Variants in BRINP2 observed in about 807,000 individuals in gnomAD.
The protein encoded by BRINP2 is BMP/retinoic acid inducible neural specific 2, also known as BMP/retinoic acid-inducible neural-specific protein 2.
Under a neutral mutation model 69.2 loss-of-function variants are expected in BRINP2, and 21 were observed. The ratio of observed to expected loss-of-function variants is 0.30; its 90% CI spans 0.22 to 0.44. The LOEUF is 0.44. Among genes scored for constraint, BRINP2 ranks in the 20% least tolerant of loss-of-function variants. The pLI is 1.00. For missense variants in BRINP2, 877 were observed against 986.0 expected, an observed-to-expected ratio of 0.89 and a Z score of 1.48; for synonymous variants, 380 against 394.1, an observed-to-expected ratio of 0.96 and a Z score of 0.42.
At chr1:177,239,419 G>A (rs989620992) in intron 2 of BRINP2, among the ~76,000 whole-genome samples, 2 of 152,222 alleles carry the variant, frequency 1.3e-5, no homozygotes, top group Admixed American at 6.5e-5. Context: ...CTCTCCTGGA[G>A]GAACACTTAC....
At chr1:177,260,313 T>A (rs750468483) in intron 4 of BRINP2, among the ~76,000 whole-genome samples, 1 of 152,202 alleles carries the variant, frequency 6.6e-6, no homozygotes, top group Non-Finnish European at 1.5e-5. Flanking sequence ...ACGAGTTGCT[T>A]CTTATGAATG....
At chr1:177,219,232 A>G (rs935794619) in intron 1 of BRINP2, among the ~76,000 whole-genome samples, 1 of 152,128 alleles carries the variant, frequency 6.6e-6, no homozygotes, top group Non-Finnish European at 1.5e-5. Context: ...CTGCCACCAC[A>G]CATCATTTCC....
In BRINP2 at chr1:177,256,690, A is replaced by G. The variant is rs1650770556; in HGVS notation, c.461-486A>G. The G allele has an allele frequency of 7.6e-6, 8 of 1,045,966 alleles. No homozygotes were observed. The Admixed American group carries it at 3.5e-4, about 45-fold the overall frequency. The allele number at this position is 1,045,966 out of a possible 1,614,324, so 64.8% of individuals were successfully genotyped here. On this transcript the variant is annotated intron_variant, in intron 3 of 7. Coordinates refer to ENST00000361539, the MANE Select transcript of BRINP2 (RefSeq NM_021165.4). ...TGGGAAGAAGGAAGCAGGATTTATT[A>G]TAACATTTAGCTCACTGTCCAATCG...
intron 1 of BRINP2, among the ~76,000 whole-genome samples, chr1:177,208,226 CAGGTACTA>C (rs2102308788): frequency 6.6e-6 from 1 of 152,294 alleles, no homozygotes; most frequent in East Asian, 1.9e-4. Flanking sequence ...GTACTAGCCA[CAGGTACTA>C]AGATGCCTCC....
intron 2 of BRINP2, 48 bp from the exon 3 acceptor site, chr1:177,255,871 G>C (rs753825221): frequency 6.3e-7 from 1 of 1,578,940 alleles, no homozygotes; most frequent in East Asian, 2.2e-5. Flanking sequence ...TATGCCTCTT[G>C]CTCTGAAACG....
At chr1:177,256,616 G>T (rs1288486812) in intron 3 of BRINP2, 28 of 985,436 alleles carry the variant, frequency 2.8e-5, no homozygotes, top group Non-Finnish European at 3.4e-5. Flanking sequence ...TGTGGGCTAG[G>T]ACCCAGGGCA....
chr1:177,191,668 C>G (rs1648599254), intron 1 of BRINP2, among the ~76,000 whole-genome samples: 1 of 152,122 alleles, frequency 6.6e-6, no homozygotes, highest in Admixed American at 6.5e-5. Flanking sequence ...GTTGGCCAGG[C>G]TGGTCTCAAA....
chr1:177,264,731 G>A (rs1651065724), intron 4 of BRINP2, among the ~76,000 whole-genome samples: 1 of 152,040 alleles, frequency 6.6e-6, no homozygotes, highest in Admixed American at 6.6e-5. Context: ...AAAATACCTA[G>A]GAATACAACT....
At position 177,176,834 on chromosome 1, in the gene BRINP2, C is replaced by T. The variant is rs188289159; in HGVS notation, c.-77+5102C>T. 2.6e-4 allele frequency among the ~76,000 whole-genome samples: 40 copies of T among 152,240 alleles called. No homozygotes were observed. The East Asian group carries it at 3.3e-3, about 12-fold the overall frequency. On this transcript the variant is annotated intron_variant, in intron 1 of 7. Coordinates refer to ENST00000361539, the MANE Select transcript of BRINP2 (RefSeq NM_021165.4). ...TTGGGAAGCATTACAGCTCTCAGCT[C>T]ACATACAAAGAGTGAGCCGGTGGGT...
At chr1:177,260,168 G>C (rs867350624) in intron 4 of BRINP2, among the ~76,000 whole-genome samples, 2 of 152,192 alleles carry the variant, frequency 1.3e-5, no homozygotes, top group Non-Finnish European at 2.9e-5. Context: ...CCTCATGGAT[G>C]TCTTTGAGGA....
At chr1:177,232,482 T>C (rs1241249324) in intron 2 of BRINP2, among the ~76,000 whole-genome samples, 1 of 152,230 alleles carries the variant, frequency 6.6e-6, no homozygotes, top group Non-Finnish European at 1.5e-5. Flanking sequence ...TGTAGTATTC[T>C]GATTTGTGAC....
At chr1:177,182,983 C>CT (rs1648306492) in intron 1 of BRINP2, among the ~76,000 whole-genome samples, 3 of 136,826 alleles carry the variant, frequency 2.2e-5, no homozygotes, top group Non-Finnish European at 3.2e-5. Context: ...TCTTTTTTTT[C>CT]TTTTTTTGCC....
chr1:177,240,954 G>A (rs994151751), intron 2 of BRINP2, among the ~76,000 whole-genome samples: 2 of 152,124 alleles, frequency 1.3e-5, no homozygotes, highest in African/African-American at 2.4e-5. Context: ...TTCCAGCCAT[G>A]AGGTGCTCAC....
At chr1:177,267,295 G>T (rs1258669068) in intron 4 of BRINP2, among the ~76,000 whole-genome samples, 2 of 152,172 alleles carry the variant, frequency 1.3e-5, no homozygotes, top group African/African-American at 4.8e-5. Context: ...TATTCTTTTT[G>T]TTTTTTGTTG....
At chr1:177,270,356 A>G (rs1651275444) in intron 4 of BRINP2, among the ~76,000 whole-genome samples, 1 of 152,196 alleles carries the variant, frequency 6.6e-6, no homozygotes, top group Non-Finnish European at 1.5e-5. Context: ...TCCTTGTGCC[A>G]CAATTAAAGT....
rs749447672 is a variant in BRINP2, at chr1:177,280,669, C to T, written c.1493C>T (p.Ser498Phe). ...CTGTGCCGGCCAGAGGTGGCCGAGT[C>T]CCTGGAAAACTTTCTTGGGCTGGAG... is the stretch of plus-strand genomic sequence containing the variant. ...QGLCRPEVAE[S>F]LENFLGLETD... Residue 498 changes from serine to phenylalanine, a missense_variant, in exon 8 of 8, where the codon TCC becomes TTC. Transcript: ENST00000361539. The T allele has an allele frequency of 4.3e-6, 7 of 1,614,202 alleles. No individual in the cohort carries two copies. The highest frequency in any genetic ancestry group is 5.1e-6 in the Non-Finnish European group (6 of 1,180,040).
At chr1:177,178,675 T>TA (rs1648156930) in intron 1 of BRINP2, among the ~76,000 whole-genome samples, 1 of 152,140 alleles carries the variant, frequency 6.6e-6, no homozygotes, top group Admixed American at 6.5e-5. Context: ...GACTTGTTGA[T>TA]ATGGCCATCT....
At chr1:177,202,431 C>G (rs562581620) in intron 1 of BRINP2, among the ~76,000 whole-genome samples, 1 of 152,284 alleles carries the variant, frequency 6.6e-6, no homozygotes, top group East Asian at 1.9e-4. Context: ...CAAAGAACAT[C>G]TTTATTTCTG....
intron 2 of BRINP2, among the ~76,000 whole-genome samples, chr1:177,235,537 C>T (rs969050269): frequency 1.3e-5 from 2 of 152,050 alleles, no homozygotes; most frequent in African/African-American, 2.4e-5. Flanking sequence ...GGGTGCCTCC[C>T]GGGAGATGGG....
Sources: allele counts gnomAD v4.1 joint callset (sites outside exome capture counted in the v4.1 genomes callset), GRCh38; gene constraint gnomAD v4.1.1; transcripts MANE v1.5; gene names NCBI Gene and HGNC (gene_info 2026-07-23, HGNC 2026-07-21).